The following CNTNAP2 variants were observed in gnomAD, a reference collection of about 807,000 sequenced individuals.
The protein encoded by CNTNAP2 is contactin-associated protein-like 2.
Under a neutral mutation model 155.2 loss-of-function variants are expected in CNTNAP2, and 98 were observed. That is an observed-to-expected ratio of 0.63 (90% CI 0.54 to 0.75). The LOEUF is 0.75. CNTNAP2 is among the 30% of genes least tolerant of loss of function. CNTNAP2 has a pLI of 0.00. For missense variants in CNTNAP2, 1,727 were observed against 1,688.1 expected, an observed-to-expected ratio of 1.02 and a Z score of -0.40; for synonymous variants, 651 against 631.2, an observed-to-expected ratio of 1.03 and a Z score of -0.47.
chr7:147,512,384 T>C (rs1196659970), intron 11 of CNTNAP2, among the ~76,000 whole-genome samples: 3 of 152,222 alleles, frequency 2.0e-5, no homozygotes. Flanking sequence ...ATAAGAAAAG[T>C]GTCCATATAA....
At chr7:147,727,944 C>T (rs1563067264) in intron 13 of CNTNAP2, among the ~76,000 whole-genome samples, 1 of 151,878 alleles carries the variant, frequency 6.6e-6, no homozygotes, top group Non-Finnish European at 1.5e-5. Context: ...TCTCACTAGC[C>T]ACCCCTATGG....
chr7:147,552,269 A>G (rs570643527), intron 11 of CNTNAP2, among the ~76,000 whole-genome samples: 27 of 152,106 alleles, frequency 1.8e-4, no homozygotes, highest in Non-Finnish European at 3.2e-4. Flanking sequence ...TGAAGCTCAC[A>G]TTTTTTAATG....
At chr7:146,124,735 T>C (rs1797610521) in intron 1 of CNTNAP2, among the ~76,000 whole-genome samples, 1 of 152,218 alleles carries the variant, frequency 6.6e-6, no homozygotes, top group Non-Finnish European at 1.5e-5. Context: ...TTAGTGTTTT[T>C]AATGCCAACC....
intron 13 of CNTNAP2, among the ~76,000 whole-genome samples, chr7:147,646,584 C>G (rs970118973): frequency 1.4e-5 from 2 of 138,388 alleles, no homozygotes; most frequent in Non-Finnish European, 3.2e-5. Flanking sequence ...CAATTATGTA[C>G]CAATTTTTTT....
chr7:146,830,190 A>G (rs1053395198), intron 2 of CNTNAP2, among the ~76,000 whole-genome samples: 3 of 152,054 alleles, frequency 2.0e-5, no homozygotes, highest in African/African-American at 7.2e-5. Flanking sequence ...AATCTTTCCC[A>G]ACCACAAAAA....
chr7:148,038,546 C>T (rs1802610877), intron 15 of CNTNAP2, among the ~76,000 whole-genome samples: 1 of 152,080 alleles, frequency 6.6e-6, no homozygotes, highest in South Asian at 2.1e-4. Context: ...ATTTCTGTTT[C>T]TGTTTCCCTC....
chr7:147,071,594 G>T (rs1584818482), intron 4 of CNTNAP2, among the ~76,000 whole-genome samples: 2 of 152,270 alleles, frequency 1.3e-5, no homozygotes, highest in East Asian at 3.9e-4. Context: ...ACTTGATAGG[G>T]TCATCATTCA....
intron 12 of CNTNAP2, among the ~76,000 whole-genome samples, chr7:147,583,618 C>T (rs1333841467): frequency 1.3e-5 from 2 of 149,556 alleles, no homozygotes; most frequent in Admixed American, 1.3e-4. Flanking sequence ...TATTCTGATC[C>T]ATGTACCAAT....
chr7:147,810,726 T>C (rs1798166099), intron 13 of CNTNAP2, among the ~76,000 whole-genome samples: 1 of 152,242 alleles, frequency 6.6e-6, no homozygotes, highest in Non-Finnish European at 1.5e-5. Context: ...ATTGCTATGA[T>C]TTCAAATGCA....
In CNTNAP2 at chr7:146,392,720, T is replaced by A. The variant is rs192247495; in HGVS notation, c.97+275747T>A. 9.9e-5 allele frequency among the ~76,000 whole-genome samples: 15 copies of A among 152,276 alleles called. No homozygotes were observed. In the East Asian group the frequency reaches 2.7e-3, roughly 27 times the overall value. The stretch of plus-strand genomic sequence containing the variant: ...TGATTTTGGAACAGTTTCTTAACAT[T>A]CCCACAAAAACATGGTTTGAGGTAA... On this transcript the variant is annotated intron_variant, in intron 1 of 23. Coordinates refer to ENST00000361727, the MANE Select transcript of CNTNAP2 (RefSeq NM_014141.6).
At chr7:148,257,948 G>C (rs939686657) in intron 20 of CNTNAP2, among the ~76,000 whole-genome samples, 90 of 96,048 alleles carry the variant, frequency 9.4e-4, no homozygotes, top group Non-Finnish European at 2.9e-4. Context: ...CACACACACA[G>C]ACAGATTTAC....
chr7:146,120,303 C>T (rs930344752), intron 1 of CNTNAP2, among the ~76,000 whole-genome samples: 1 of 152,060 alleles, frequency 6.6e-6, no homozygotes, highest in African/African-American at 2.4e-5. Context: ...AAGCAAAATT[C>T]ATTGGTTGAT....
chr7:147,172,493 A>G (rs551633872), intron 8 of CNTNAP2, among the ~76,000 whole-genome samples: 2 of 152,198 alleles, frequency 1.3e-5, no homozygotes, highest in African/African-American at 2.4e-5. Context: ...ATACTCACTT[A>G]CCTTTTAATT....
At chr7:148,108,067 C>G (rs1804261965) in intron 15 of CNTNAP2, among the ~76,000 whole-genome samples, 1 of 152,222 alleles carries the variant, frequency 6.6e-6, no homozygotes, top group African/African-American at 2.4e-5. Context: ...ATCTCTTCCC[C>G]CTTCCTAATT....
intron 12 of CNTNAP2, among the ~76,000 whole-genome samples, chr7:147,613,093 A>G (rs1304431808): frequency 6.6e-6 from 1 of 152,134 alleles, no homozygotes; most frequent in Non-Finnish European, 1.5e-5. Context: ...ATTCCAAATT[A>G]TTTTCCAAAA....
chr7:146,776,653 C>CTTTA (rs1802395049), intron 2 of CNTNAP2, among the ~76,000 whole-genome samples: 1 of 152,128 alleles, frequency 6.6e-6, no homozygotes, highest in South Asian at 2.1e-4. Context: ...GATGCTGAAA[C>CTTTA]TTTAGGTACA....
intron 1 of CNTNAP2, among the ~76,000 whole-genome samples, chr7:146,625,653 G>A (rs888481208): frequency 1.3e-5 from 2 of 151,974 alleles, no homozygotes; most frequent in Non-Finnish European, 2.9e-5. Context: ...AGAAAAGACT[G>A]GCAAAGACAT....
At chr7:146,509,776 C>T (rs1797439722) in intron 1 of CNTNAP2, among the ~76,000 whole-genome samples, 2 of 152,128 alleles carry the variant, frequency 1.3e-5, no homozygotes, top group Admixed American at 1.3e-4. Flanking sequence ...AGGGACTGAG[C>T]ATGCACTTCC....
intron 3 of CNTNAP2, among the ~76,000 whole-genome samples, chr7:146,856,302 A>T (rs533236545): frequency 1.7e-5 from 2 of 118,906 alleles, no homozygotes; most frequent in Non-Finnish European, 1.8e-5. Flanking sequence ...AGATAGATAC[A>T]TACATACATA....
Sources: allele counts gnomAD v4.1 joint callset (sites outside exome capture counted in the v4.1 genomes callset), GRCh38; gene constraint gnomAD v4.1.1; transcripts MANE v1.5; gene names NCBI Gene and HGNC (gene_info 2026-07-23, HGNC 2026-07-21).